GNB5: variants seen among roughly 807,000 people sequenced by gnomAD.
The protein encoded by GNB5 is guanine nucleotide-binding protein subunit beta-5.
Under a neutral mutation model 55.3 loss-of-function variants are expected in GNB5, and 37 were observed. That is an observed-to-expected ratio of 0.67 (90% CI 0.51 to 0.88). The LOEUF (loss-of-function observed/expected upper bound fraction) is 0.88, where lower values mean the gene tolerates loss of function less well. Ranked by LOEUF, GNB5 falls within the 40% of genes least tolerant of loss-of-function variation. The probability of loss-of-function intolerance (pLI) is 0.00; values close to 1 mark genes in which losing one functional copy is unlikely to be tolerated. For synonymous variants in GNB5, 219 were observed against 198.5 expected (o/e 1.10, Z -0.87); for missense variants, 476 against 515.3 (o/e 0.92, Z 0.74).
intron 9 of GNB5, among the ~76,000 whole-genome samples, chr15:52,132,877 C>T (rs946210313): frequency 1.3e-5 from 2 of 152,098 alleles, no homozygotes; most frequent in African/African-American, 4.8e-5. Flanking sequence ...CTTTGCTTGC[C>T]TGGCTCTTTC....
chr15:52,150,259 T>C (rs1395674611), intron 4 of GNB5, among the ~76,000 whole-genome samples: 1 of 152,196 alleles, frequency 6.6e-6, no homozygotes, highest in African/African-American at 2.4e-5. Context: ...ATACCCTAAA[T>C]GTCAACAAAT....
rs75955589 is a variant in GNB5 at position 52,173,984 on chromosome 15, G to C, written c.238+5784C>G. ...ATCTTACGGCAAAAGGGACTTTCTAGATGTGATTAAGTTAAGGATCTTGAG... is the reference window on the plus strand; with the variant it reads ...ATCTTACGGCAAAAGGGACTTTCTACATGTGATTAAGTTAAGGATCTTGAG... On this transcript the variant is annotated intron_variant, in intron 3 of 12. Coordinates refer to ENST00000261837, the MANE Select transcript of GNB5 (RefSeq NM_016194.4). Among the ~76,000 whole-genome samples, 1,033 of 152,310 alleles carry C rather than the reference G, an allele frequency of 6.8e-3. 11 individuals carry two copies. Among genetic ancestry groups the C allele is most frequent in the African/African-American group, 0.024 (1,002 of 41,570 alleles).
At chr15:52,179,731 T>C (rs780420722) in intron 3 of GNB5, 37 bp downstream of exon 3, 2 of 1,054,186 alleles carry the variant, frequency 1.9e-6, no homozygotes, top group African/African-American at 1.7e-5. Context: ...GGCGAGCCGG[T>C]CCGGCTTGCC....
chr15:52,181,123 C>T (rs2141241372), intron 2 of GNB5: 1 of 152,362 alleles, frequency 6.6e-6, no homozygotes, highest in South Asian at 2.1e-4. Flanking sequence ...GCTGTCCCCA[C>T]CTCTCTGTAC....
At chr15:52,175,106 G>T (rs957849734) in intron 3 of GNB5, among the ~76,000 whole-genome samples, 3 of 152,066 alleles carry the variant, frequency 2.0e-5, no homozygotes, top group African/African-American at 4.8e-5. Context: ...CACATACCTA[G>T]GGTCCCAGGC....
chr15:52,165,392 C>T lies in GNB5; in HGVS notation c.239-11316G>A, dbSNP rs893095627. On this transcript the variant is annotated intron_variant, in intron 3 of 12. Transcript: ENST00000261837. ...GTAAGATACTCCCTTTAAAGATCAA[C>T]CCCAAGACACATAATCATCAGATTC... Among the ~76,000 whole-genome samples the T allele has an allele frequency of 3.3e-5, 5 of 152,206 alleles. No individual in the cohort carries two copies. In the East Asian group the frequency reaches 5.8e-4, roughly 18 times the overall value.
intron 3 of GNB5, among the ~76,000 whole-genome samples, chr15:52,160,341 T>A (rs967306011): frequency 6.6e-6 from 1 of 152,206 alleles, no homozygotes; most frequent in African/African-American, 2.4e-5. Context: ...GAGGTTCAAC[T>A]GAGAAGGCAA....
intron 3 of GNB5, among the ~76,000 whole-genome samples, chr15:52,163,510 A>T (rs1377517015): frequency 6.6e-6 from 1 of 152,154 alleles, no homozygotes; most frequent in Non-Finnish European, 1.5e-5. Flanking sequence ...GGAGGGACAG[A>T]CACTATCTCT....
At chr15:52,178,024 T>C (rs1255142882) in intron 3 of GNB5, among the ~76,000 whole-genome samples, 1 of 152,258 alleles carries the variant, frequency 6.6e-6, no homozygotes, top group Non-Finnish European at 1.5e-5. Flanking sequence ...ATCTCTGCTC[T>C]CTGTCTTAAG....
rs1218914197 is a variant in GNB5, at chr15:52,121,311, T to C, written c.*1446A>G. On this transcript the variant is annotated 3_prime_UTR_variant, in exon 13 of 13. Transcript: ENST00000261837. Reference sequence around the variant, plus strand: ...CCGACGAGGCAGGCCTCACCAGGAATGACACCTGGTGTCTGAGGTGACCTT... The same window carrying C: ...CCGACGAGGCAGGCCTCACCAGGAACGACACCTGGTGTCTGAGGTGACCTT... 1 of 152,258 alleles carries C rather than the reference T, an allele frequency of 6.6e-6. No homozygotes were observed. The highest frequency in any genetic ancestry group is 1.5e-5 in the Non-Finnish European group (1 of 68,060). The allele number at this position is 152,258 out of a possible 1,614,324, so 9.4% of individuals were successfully genotyped here. A position where few individuals can be genotyped will look rare whatever the true frequency, so the allele number is the denominator to read the frequency against.
chr15:52,182,632 A>G (rs1277018123), intron 2 of GNB5, among the ~76,000 whole-genome samples: 1 of 152,146 alleles, frequency 6.6e-6, no homozygotes, highest in Non-Finnish European at 1.5e-5. Flanking sequence ...GGTTGAGATA[A>G]AGGGTCACTC....
At chr15:52,132,810 C>T (rs761879998) in intron 9 of GNB5, among the ~76,000 whole-genome samples, 1 of 151,996 alleles carries the variant, frequency 6.6e-6, no homozygotes, top group Non-Finnish European at 1.5e-5. Context: ...TCTCCAGTGA[C>T]CACCTGGCCT....
At chr15:52,146,925 T>C (rs1240139139) in intron 6 of GNB5, among the ~76,000 whole-genome samples, 1 of 152,070 alleles carries the variant, frequency 6.6e-6, no homozygotes, top group Admixed American at 6.6e-5. Context: ...AATGTCATTG[T>C]CCATATGGCT....
At chr15:52,147,184 T>A (rs1487363167) in intron 6 of GNB5, 7 of 232,760 alleles carry the variant, frequency 3.0e-5, no homozygotes, top group South Asian at 1.5e-4. Context: ...TTTTTTTTTT[T>A]AAAGAGATGG....
rs566892110 is a variant in GNB5 at position 52,179,498 on chromosome 15, G to A, written c.238+270C>T. On this transcript the variant is annotated intron_variant, in intron 3 of 12. Coordinates refer to ENST00000261837, the MANE Select transcript of GNB5 (RefSeq NM_016194.4). ...TCGCAGCTTCCAGGCAGGTGATGAG[G>A]ATAGCTAGTCCCGCGGTCCTCCGCT... Among the ~76,000 whole-genome samples the A allele has an allele frequency of 5.2e-4, 79 of 152,046 alleles. 1 individual carries two copies. The highest frequency in any genetic ancestry group is 2.1e-3 in the East Asian group (11 of 5,126).
intron 11 of GNB5, 57 bp from the exon 12 acceptor site, chr15:52,124,696 T>C: frequency 1.4e-6 from 2 of 1,435,760 alleles, no homozygotes; most frequent in Non-Finnish European, 1.9e-6. Context: ...CTGTTTCTCA[T>C]TACATGACTG....
intron 3 of GNB5, among the ~76,000 whole-genome samples, chr15:52,155,514 T>C (rs998307239): frequency 6.6e-6 from 1 of 152,244 alleles, no homozygotes; most frequent in Non-Finnish European, 1.5e-5. Context: ...AGAAAATTAA[T>C]GCTGAAACAA....
chr15:52,153,888 T>C (rs2034151670), intron 4 of GNB5, 52 bp downstream of exon 4: 2 of 1,537,174 alleles, frequency 1.3e-6, no homozygotes, highest in Non-Finnish European at 8.9e-7. Context: ...TCCTCCCCCT[T>C]AGCTATAAAA....
At chr15:52,179,226 C>T (rs748894514) in intron 3 of GNB5, among the ~76,000 whole-genome samples, 7 of 152,200 alleles carry the variant, frequency 4.6e-5, no homozygotes, top group Non-Finnish European at 8.8e-5. Context: ...TTTCCCTTCT[C>T]TCTCCGTCAT....
Sources: gnomAD v4.1 joint callset for allele counts (sites outside exome capture counted in the v4.1 genomes callset) on GRCh38, gnomAD v4.1.1 for gene constraint, MANE v1.5 for transcripts, NCBI Gene and HGNC (gene_info 2026-07-23, HGNC 2026-07-21) for gene names.